The following JAG1 variants were observed in gnomAD, a reference collection of about 807,000 sequenced individuals.
JAG1 encodes protein jagged-1.
JAG1 carries 23 observed loss-of-function variants against 148.7 expected under a neutral mutation model. That is an observed-to-expected ratio of 0.15 (90% CI 0.11 to 0.22). The LOEUF is 0.22. Ranked by LOEUF, JAG1 falls within the 10% of genes least tolerant of loss-of-function variation. The probability of loss-of-function intolerance (pLI) is 1.00; values close to 1 mark genes in which losing one functional copy is unlikely to be tolerated. For missense variants in JAG1, 1,054 were observed against 1,611.2 expected (o/e 0.65, Z 5.92); for synonymous variants, 572 against 598.3 (o/e 0.96, Z 0.64).
intron 5 of JAG1, among the ~76,000 whole-genome samples, chr20:10,655,118 T>C (rs1268526874): frequency 6.6e-6 from 1 of 152,160 alleles, no homozygotes; most frequent in Non-Finnish European, 1.5e-5. Context: ...TTCTGAAGTG[T>C]AGGAAGAGAC....
chr20:10,643,104 T>C (rs1303257243), intron 20 of JAG1, among the ~76,000 whole-genome samples: 1 of 152,226 alleles, frequency 6.6e-6, no homozygotes, highest in Admixed American at 6.5e-5. Context: ...TTTAGAAACA[T>C]GAAACAGATA....
rs79656997 is a variant in JAG1, at chr20:10,640,525, C to A, written c.3199+258G>T. 0.028 allele frequency among the ~76,000 whole-genome samples: 4,249 copies of A among 152,294 alleles called. 67 individuals are homozygous for A. The highest frequency in any genetic ancestry group is 0.044 in the Non-Finnish European group (2,990 of 68,020). On this transcript the variant is annotated intron_variant, in intron 25 of 25. Coordinates refer to ENST00000254958, the MANE Select transcript of JAG1 (RefSeq NM_000214.3). ...ACAAAGGACAAGCAGTGTCCTAGGG[C>A]TTTGTCACGGATCTAGCACAATACC... is the stretch of plus-strand genomic sequence containing the variant.
chr20:10,668,672 T>G (rs998343309), intron 2 of JAG1, among the ~76,000 whole-genome samples: 4 of 95,966 alleles, frequency 4.2e-5, no homozygotes, highest in Non-Finnish European at 1.0e-4. Flanking sequence ...CTTGACACTG[T>G]TTTTTTTTTT....
intron 3 of JAG1, among the ~76,000 whole-genome samples, chr20:10,663,119 AGTACAAG>A (rs1217375895): frequency 6.6e-6 from 1 of 152,232 alleles, no homozygotes; most frequent in Non-Finnish European, 1.5e-5. Context: ...AAAAGCAAAA[AGTACAAG>A]GCATTCAGAG....
chr20:10,660,471 G>A (rs2067408834), intron 3 of JAG1, among the ~76,000 whole-genome samples: 2 of 152,210 alleles, frequency 1.3e-5, no homozygotes, highest in Non-Finnish European at 1.5e-5. Context: ...AAAAGGGATC[G>A]GTTAAACACA....
Position 10,658,512 on chromosome 20 carries a change from T to C in JAG1, c.650A>G (p.Asn217Ser). Residue 217 changes from asparagine (N) to serine (S), a missense_variant, in exon 4 of 26, where the codon AAC becomes AGC. Transcript: ENST00000254958. Reference sequence around the variant, plus strand: ...CATCCAGCCTTCCATGCAAGTTTTGTTGCCATTCTGGTCACAGGCATAGTG... The same window carrying C: ...CATCCAGCCTTCCATGCAAGTTTTGCTGCCATTCTGGTCACAGGCATAGTG... ...FGHYACDQNG[N>S]KTCMEGWMGP... 1 of 1,614,256 alleles carries C rather than the reference T, an allele frequency of 6.2e-7. No individual in the cohort carries two copies. The highest frequency in any genetic ancestry group is 8.5e-7 in the Non-Finnish European group (1 of 1,180,048).
At chr20:10,658,923 T>C (rs1037866416) in intron 3 of JAG1, among the ~76,000 whole-genome samples, 6 of 152,260 alleles carry the variant, frequency 3.9e-5, no homozygotes, top group African/African-American at 1.4e-4. Context: ...GTACACAGTA[T>C]TTCATTGTCT....
At chr20:10,655,748 C>T (rs1036148292) in intron 5 of JAG1, among the ~76,000 whole-genome samples, 4 of 152,070 alleles carry the variant, frequency 2.6e-5, no homozygotes, top group African/African-American at 9.7e-5. Flanking sequence ...TCCAAACGGG[C>T]GTAATATAAA....
rs759763539 is a variant in JAG1, at chr20:10,648,023, C to T, written c.1657G>A (p.Glu553Lys). ...RASDYFCKCP[E>K]DYEGKNCSHL... Reference sequence around the variant, plus strand: ...GAGCAGTTCTTGCCCTCATAGTCCTCGGGGCACTTGCAGAAATAGTCACTG... The same window carrying T: ...GAGCAGTTCTTGCCCTCATAGTCCTTGGGGCACTTGCAGAAATAGTCACTG... The change falls in exon 13 of 26, where the codon GAG becomes AAG. Residue 553 changes from glutamate to lysine, a missense_variant. Glu to Lys is a moderately conservative substitution (Grantham distance 56). Transcript: ENST00000254958. 3.1e-6 allele frequency: 5 copies of T among 1,614,130 alleles called. No homozygotes were observed. Among genetic ancestry groups the T allele is most frequent in the South Asian group, 2.2e-5 (2 of 91,068 alleles).
rs1600196880 is a variant in JAG1, at chr20:10,673,313, G to T, written c.81+137C>A. 1.4e-6 allele frequency: 1 copy of T among 730,364 alleles called. No homozygotes were observed. Among genetic ancestry groups the T allele is most frequent in the South Asian group, 1.9e-5 (1 of 52,880 alleles). The allele number at this position is 730,364 out of a possible 1,614,324, so 45.2% of individuals were successfully genotyped here. A position where few individuals can be genotyped will look rare whatever the true frequency, so the allele number is the denominator to read the frequency against. ...GGGGGAGTTGGCGCGCTCAGCCCAGGTGCAGCCGCTCGGGCGCAGGGGCGA... is the reference window on the plus strand; with the variant it reads ...GGGGGAGTTGGCGCGCTCAGCCCAGTTGCAGCCGCTCGGGCGCAGGGGCGA... On this transcript the variant is annotated intron_variant, in intron 1 of 25. Transcript: ENST00000254958. This position sits in a 1 kb window ranked among gnomAD's most constrained non-coding sequence, Gnocchi z 4.7.
chr20:10,664,149 T>G, intron 2 of JAG1, 135 bp from the exon 3 acceptor site: 1 of 754,674 alleles, frequency 1.3e-6, no homozygotes, highest in South Asian at 1.5e-5. Flanking sequence ...GGTTGTTGCA[T>G]TGAGTTCCTG....
chr20:10,645,524 C>T lies in JAG1; in HGVS notation c.2000-55G>A. ...AGACGAGATCCAGGACCATTCACGA[C>T]AGGCGAGAGCCAAGCCTTTCCTACT... On this transcript the variant is annotated intron_variant, in intron 15 of 25. Transcript: ENST00000254958. The surrounding 1 kb of genome is among the most constrained non-coding windows in gnomAD (Gnocchi z 6.1). The T allele has an allele frequency of 7.2e-7, 1 of 1,396,060 alleles. No individual in the cohort carries two copies. Among genetic ancestry groups the T allele is most frequent in the Non-Finnish European group, 1.0e-6 (1 of 984,772 alleles). The allele number at this position is 1,396,060 out of a possible 1,614,324, so 86.5% of individuals were successfully genotyped here. A position where few individuals can be genotyped will look rare whatever the true frequency, so the allele number is the denominator to read the frequency against.
At chr20:10,652,329 T>C (rs2067352851) in intron 6 of JAG1, 79 bp from the exon 7 acceptor site, 1 of 1,603,714 alleles carries the variant, frequency 6.2e-7, no homozygotes, top group Non-Finnish European at 8.5e-7. Flanking sequence ...CCAGTCGTCT[T>C]TTAAAAAGAA....
intron 2 of JAG1, among the ~76,000 whole-genome samples, chr20:10,665,564 G>A (rs2067448299): frequency 6.6e-6 from 1 of 152,196 alleles, no homozygotes; most frequent in Non-Finnish European, 1.5e-5. Context: ...TTCCCTAAGA[G>A]CAGCAAGAAA....
chr20:10,666,808 T>A (rs2067457000), intron 2 of JAG1, among the ~76,000 whole-genome samples: 1 of 152,208 alleles, frequency 6.6e-6, no homozygotes, highest in African/African-American at 2.4e-5. Flanking sequence ...GCCTTCGGAA[T>A]TGCTTTTTGG....
At position 10,644,360 on chromosome 20, in the gene JAG1, G is replaced by A. The variant is rs1254166297; in HGVS notation, c.2369C>T (p.Pro790Leu). 6.2e-7 allele frequency: 1 copy of A among 1,611,972 alleles called. No individual in the cohort carries two copies. Among genetic ancestry groups the A allele is most frequent in the Non-Finnish European group, 8.5e-7 (1 of 1,178,736 alleles). ...CTTAAAAGGATGTCACACTTACCAG[G>A]GATGAGGGCTGCAGTCATTGGTATC... The part of the protein sequence containing the change: ...AQNTNDCSPH[P>L]CYNSGTCVDG... The change falls in exon 19 of 26, where the codon CCC becomes CTC. Residue 790 changes from proline to leucine, a missense_variant. Coordinates refer to ENST00000254958, the MANE Select transcript of JAG1 (RefSeq NM_000214.3).
Position 10,638,683 on chromosome 20 carries a change from A to C in JAG1, c.*815T>G, listed in dbSNP as rs1379177455. 6.6e-6 allele frequency: 1 copy of C among 152,620 alleles called. No homozygotes were observed. Among genetic ancestry groups the C allele is most frequent in the Non-Finnish European group, 1.5e-5 (1 of 68,032 alleles). 9.5% of individuals were successfully genotyped at this position (152,620 alleles called of 1,614,324 possible). On this transcript the variant is annotated 3_prime_UTR_variant, in exon 26 of 26. Transcript: ENST00000254958. ...TATTCTGGGCACAGAAGCCCATCCT[A>C]TTGTTTTAAAATAAACTATTTTCAA...
At position 10,644,741 on chromosome 20, in the gene JAG1, G is replaced by A; in HGVS notation, c.2344+122C>T. On this transcript the variant is annotated intron_variant, in intron 18 of 25. Transcript: ENST00000254958. ...TGTATCCCATCAAGTCATTAATGCA[G>A]ACCCAGGTGATACAAAAGCAGACAT... 2 of 811,740 alleles carry A rather than the reference G, an allele frequency of 2.5e-6. 1 individual carries two copies. 50.3% of individuals were successfully genotyped at this position (811,740 alleles called of 1,614,324 possible).
rs1248617283 is a variant in JAG1, at chr20:10,673,783, C to T, written c.-253G>A. The T allele has an allele frequency of 8.8e-6, 2 of 227,794 alleles. No homozygotes were observed. The allele number at this position is 227,794 out of a possible 1,614,324, so 14.1% of individuals were successfully genotyped here. A position where few individuals can be genotyped will look rare whatever the true frequency, so the allele number is the denominator to read the frequency against. On this transcript the variant is annotated 5_prime_UTR_variant, in exon 1 of 26. Transcript: ENST00000254958. The surrounding 1 kb of genome is among the most constrained non-coding windows in gnomAD (Gnocchi z 4.7). Reference sequence around the variant, plus strand: ...TCGCTTCTTTGAGACGCTCCCCCTCCTCTTCCACCTCCCGGCTTTCTTTCC... The same window carrying T: ...TCGCTTCTTTGAGACGCTCCCCCTCTTCTTCCACCTCCCGGCTTTCTTTCC...
Sources: allele counts gnomAD v4.1 joint callset (sites outside exome capture counted in the v4.1 genomes callset), GRCh38; gene constraint gnomAD v4.1.1; non-coding constraint Gnocchi (gnomAD v3.1); transcripts MANE v1.5; gene names NCBI Gene and HGNC (gene_info 2026-07-23, HGNC 2026-07-21).